Variants in PPWD1 observed in about 807,000 individuals in gnomAD.
PPWD1 encodes the protein peptidylprolyl isomerase domain and WD repeat-containing protein 1.
A neutral mutation model predicts 68.8 loss-of-function variants in PPWD1; 43 were observed. The observed-to-expected ratio is 0.62, with a 90% CI of 0.49 to 0.81. The LOEUF (loss-of-function observed/expected upper bound fraction) is 0.81. PPWD1 is among the 30% of genes least tolerant of loss of function. PPWD1 has a pLI of 0.00. For synonymous variants in PPWD1, 232 were observed against 258.7 expected (o/e 0.90, Z 0.99); for missense variants, 672 against 804.8 (o/e 0.83, Z 2.00).
Position 65,571,864 on chromosome 5 carries a change from A to G in PPWD1, c.547A>G (p.Ile183Val). Residue 183 changes from isoleucine (I) to valine (V), a missense_variant, in exon 5 of 11, where the codon ATC (isoleucine) becomes GTC (valine). By Grantham distance (29) the Ile-to-Val change is conservative. Coordinates refer to ENST00000261308, the MANE Select transcript of PPWD1 (RefSeq NM_015342.4). ...CTATTTTCCTGGACAGTGTGAGTGG[A>G]TCTATTGCCCAGGGGATGCAATTTC... ...LGYFPGQCEW[I>V]YCPGDAISSV... 1 of 1,613,706 alleles carries G rather than the reference A, an allele frequency of 6.2e-7. No homozygotes were observed. The highest frequency in any genetic ancestry group is 8.5e-7 in the Non-Finnish European group (1 of 1,179,846).
intron 8 of PPWD1, among the ~76,000 whole-genome samples, chr5:65,583,687 A>G (rs1753697378): frequency 6.6e-6 from 1 of 152,246 alleles, no homozygotes; most frequent in Non-Finnish European, 1.5e-5. Context: ...AGTGGCACGC[A>G]CTTGTAATCC....
intron 6 of PPWD1, among the ~76,000 whole-genome samples, chr5:65,578,521 G>A (rs1421544488): frequency 6.6e-6 from 1 of 151,968 alleles, no homozygotes; most frequent in East Asian, 1.9e-4. Context: ...TTCCAGATTT[G>A]GGCCATTTTA....
chr5:65,581,041 T>C (rs1288403643), intron 7 of PPWD1, among the ~76,000 whole-genome samples: 3 of 152,218 alleles, frequency 2.0e-5, no homozygotes, highest in African/African-American at 7.2e-5. Flanking sequence ...CATTACAGTA[T>C]ATTCATTCAT....
At chr5:65,569,766 T>A in intron 3 of PPWD1, 34 bp downstream of exon 3, 1 of 1,588,244 alleles carries the variant, frequency 6.3e-7, no homozygotes, top group Non-Finnish European at 8.6e-7. Flanking sequence ...TGTAGCTCTT[T>A]CCTAAACTAT....
At position 65,587,399 on chromosome 5, in the gene PPWD1, T is replaced by TA. The variant is rs752108578; in HGVS notation, c.*5dup. On this transcript the variant is annotated 3_prime_UTR_variant, in exon 11 of 11. Transcript: ENST00000261308. ...TCATAAATATTACTGTCAAGTAAAA[T>TA]AAGATTTGTTTTAATGTACTTGCAA... 14 of 1,597,842 alleles carry TA rather than the reference T, an allele frequency of 8.8e-6. No individual in the cohort carries two copies. The South Asian group carries it at 1.6e-4, about 18-fold the overall frequency.
intron 1 of PPWD1, chr5:65,563,845 C>T: frequency 6.7e-7 from 1 of 1,485,998 alleles, no homozygotes; most frequent in South Asian, 1.2e-5. Flanking sequence ...TTTAGGTATG[C>T]AAAAGGGTAC....
chr5:65,577,047 G>C lies in PPWD1; in HGVS notation c.1138G>C (p.Val380Leu), dbSNP rs1753329482. 1.2e-5 allele frequency: 20 copies of C among 1,613,014 alleles called. No individual in the cohort carries two copies. Among genetic ancestry groups the C allele is most frequent in the Non-Finnish European group, 1.7e-5 (20 of 1,179,246 alleles). ...GTATGGAACAATGCTGGGCATTAAA[G>C]TTATAAATGTAGAGACAAACCGGTA... ...VLYGTMLGIK[V>L]INVETNRCVR... Residue 380 changes from valine (V) to leucine (L), a missense_variant, in exon 6 of 11, where the codon GTT becomes CTT. Coordinates refer to ENST00000261308, the MANE Select transcript of PPWD1 (RefSeq NM_015342.4).
intron 1 of PPWD1, 176 bp downstream of exon 1, chr5:65,563,682 C>G (rs1427241383): frequency 7.5e-7 from 1 of 1,339,136 alleles, no homozygotes; most frequent in Non-Finnish European, 1.0e-6. Context: ...GTGATTTAAG[C>G]GTAGTACAAC....
In PPWD1 at chr5:65,575,520, T is replaced by G. The variant is rs530486750; in HGVS notation, c.970-1359T>G. Among the ~76,000 whole-genome samples the G allele has an allele frequency of 3.7e-4, 57 of 152,348 alleles. 1 individual carries two copies. The South Asian group carries it at 0.012, about 31-fold the overall frequency. ...TAACCTTATCTAGAAAACACAAGAT[T>G]ATGGTTAATATAAGCATGAAATAAG... On this transcript the variant is annotated intron_variant, in intron 5 of 10. Coordinates refer to ENST00000261308, the MANE Select transcript of PPWD1 (RefSeq NM_015342.4).
intron 9 of PPWD1, 124 bp from the exon 10 acceptor site, chr5:65,585,875 C>G (rs1381215261): frequency 7.1e-7 from 1 of 1,410,670 alleles, no homozygotes; most frequent in African/African-American, 1.5e-5. Context: ...AGGGTTTAAT[C>G]AAATCACTTT....
rs552339462 is a variant in PPWD1 at position 65,575,678 on chromosome 5, A to G, written c.970-1201A>G. On this transcript the variant is annotated intron_variant, in intron 5 of 10. Transcript: ENST00000261308. ...TCGTTACTCTTTTGGAAGGTTCATA[A>G]TATGTTAATACAGTTATTGAGATGT... 5.9e-5 allele frequency among the ~76,000 whole-genome samples: 9 copies of G among 152,290 alleles called. No homozygotes were observed. In the South Asian group the frequency reaches 1.9e-3, roughly 32 times the overall value.
At chr5:65,585,211 G>A in intron 9 of PPWD1, 116 bp downstream of exon 9, 1 of 1,036,750 alleles carries the variant, frequency 9.6e-7, no homozygotes, top group Non-Finnish European at 1.4e-6. Context: ...AAAGGAACAG[G>A]AAAAATACAC....
At position 65,567,612 on chromosome 5, in the gene PPWD1, C is replaced by T. The variant is rs1176116511; in HGVS notation, c.296C>T (p.Thr99Ile). The change falls in exon 2 of 11, where the codon ACC (threonine) becomes ATC (isoleucine). Residue 99 changes from threonine to isoleucine, a missense_variant. Transcript: ENST00000261308. ...HRDVITHVVCTKTDFIITASH... is the reference protein window; with the variant it reads ...HRDVITHVVCIKTDFIITASH... ...GATGTTATCACCCATGTGGTATGCA[C>T]CAAGTAAGTCTATCACATCTTTTTT... 2.5e-6 allele frequency: 4 copies of T among 1,587,086 alleles called. No homozygotes were observed. In the South Asian group the frequency reaches 3.5e-5, roughly 14 times the overall value.
Position 65,587,228 on chromosome 5 carries a change from A to G in PPWD1, c.1798-25A>G, listed in dbSNP as rs148076666. 5 of 1,580,342 alleles carry G rather than the reference A, an allele frequency of 3.2e-6. No homozygotes were observed. The African/African-American group carries it at 5.4e-5, about 17-fold the overall frequency. On this transcript the variant is annotated intron_variant, in intron 10 of 10. Transcript: ENST00000261308. ...TTTAAAGAAATTGGGGTTTACCAAG[A>G]TTTTCCATTTGTCCTCCAACACAGC...
intron 10 of PPWD1, among the ~76,000 whole-genome samples, chr5:65,586,596 A>C (rs1173131275): frequency 1.3e-5 from 2 of 152,176 alleles, no homozygotes; most frequent in Non-Finnish European, 2.9e-5. Flanking sequence ...ATTTGATGAA[A>C]TACAGTATAA....
At chr5:65,576,801 C>A in intron 5 of PPWD1, 78 bp from the exon 6 acceptor site, 1 of 1,493,116 alleles carries the variant, frequency 6.7e-7, no homozygotes, top group Non-Finnish European at 9.0e-7. Context: ...ATTCTCATTG[C>A]ATATATAGAT....
intron 1 of PPWD1, among the ~76,000 whole-genome samples, chr5:65,566,028 A>G (rs975208436): frequency 3.3e-5 from 5 of 152,142 alleles, no homozygotes; most frequent in Admixed American, 3.3e-4. Flanking sequence ...ATATAGCACT[A>G]TATCTCTTCA....
chr5:65,583,066 A>T lies in PPWD1; in HGVS notation c.1379A>T (p.Lys460Ile). The T allele has an allele frequency of 6.3e-7, 1 of 1,597,234 alleles. No individual in the cohort carries two copies. Among genetic ancestry groups the T allele is most frequent in the Non-Finnish European group, 8.5e-7 (1 of 1,172,932 alleles). ...ACCAAACGAGAACCAGAAGATACGA[A>T]AAGTGCAGATTCTGATCGAGATGTT... ...MFTKREPEDT[K>I]SADSDRDVFN... The change falls in exon 8 of 11, where the codon AAA becomes ATA. Residue 460 changes from lysine (K) to isoleucine (I), a missense_variant. Lys to Ile is a moderately radical substitution (Grantham distance 102, BLOSUM62 -3). Coordinates refer to ENST00000261308, the MANE Select transcript of PPWD1 (RefSeq NM_015342.4).
chr5:65,587,427 A>G lies in PPWD1; in HGVS notation c.*31A>G, dbSNP rs751626683. Reference sequence around the variant, plus strand: ...GATTTGTTTTAATGTACTTGCAAATAAAAATACAATATTAAACAGATTATT... The same window carrying G: ...GATTTGTTTTAATGTACTTGCAAATGAAAATACAATATTAAACAGATTATT... On this transcript the variant is annotated 3_prime_UTR_variant, in exon 11 of 11. Coordinates refer to ENST00000261308, the MANE Select transcript of PPWD1 (RefSeq NM_015342.4). 2 of 1,532,654 alleles carry G rather than the reference A, an allele frequency of 1.3e-6. No individual in the cohort carries two copies. The highest frequency in any genetic ancestry group is 4.6e-5 in the East Asian group (2 of 43,820). 94.9% of individuals were successfully genotyped at this position (1,532,654 alleles called of 1,614,324 possible). A position where few individuals can be genotyped will look rare whatever the true frequency, so the allele number is the denominator to read the frequency against.
Sources: gnomAD v4.1 joint callset for allele counts (sites outside exome capture counted in the v4.1 genomes callset) on GRCh38, gnomAD v4.1.1 for gene constraint, MANE v1.5 for transcripts, NCBI Gene and HGNC (gene_info 2026-07-23, HGNC 2026-07-21) for gene names.